The following SART1 variants were observed in gnomAD, a reference collection of about 807,000 sequenced individuals.
SART1 encodes the protein U4/U6.U5 tri-snRNP-associated protein 1.
SART1 carries 28 observed loss-of-function variants against 105.0 expected under a neutral mutation model. That is an observed-to-expected ratio of 0.27 (90% CI 0.20 to 0.37). The LOEUF (loss-of-function observed/expected upper bound fraction) is 0.37, where lower values mean the gene tolerates loss of function less well. Among genes scored for constraint, SART1 ranks in the 10% least tolerant of loss-of-function variants. The pLI is 1.00. For synonymous variants in SART1, 472 were observed against 462.9 expected (o/e 1.02, Z -0.25); for missense variants, 894 against 1,106.5 (o/e 0.81, Z 2.72).
chr11:65,979,172 A>T lies in SART1; in HGVS notation c.*142A>T. 1 of 1,060,590 alleles carries T rather than the reference A, an allele frequency of 9.4e-7. No individual in the cohort carries two copies. Among genetic ancestry groups the T allele is most frequent in the Non-Finnish European group, 1.4e-6 (1 of 714,964 alleles). The allele number at this position is 1,060,590 out of a possible 1,614,324, so 65.7% of individuals were successfully genotyped here. A position where few individuals can be genotyped will look rare whatever the true frequency, so the allele number is the denominator to read the frequency against. On this transcript the variant is annotated 3_prime_UTR_variant, in exon 20 of 20. Coordinates refer to ENST00000312397, the MANE Select transcript of SART1 (RefSeq NM_005146.5). ...CACAGAGTCTGGCTCCTGCTAGGTGAGACCTGGCCATCAAATGACACAAAC... is the reference window on the plus strand; with the variant it reads ...CACAGAGTCTGGCTCCTGCTAGGTGTGACCTGGCCATCAAATGACACAAAC...
intron 12 of SART1, among the ~76,000 whole-genome samples, chr11:65,972,010 A>C (rs905156261): frequency 2.0e-5 from 3 of 151,902 alleles, no homozygotes; most frequent in Non-Finnish European, 4.4e-5. Context: ...TGCAATTTCC[A>C]CCTCCTAAAG....
Position 65,978,679 on chromosome 11 carries a change from A to G in SART1, c.2252A>G (p.Asp751Gly), listed in dbSNP as rs1196042272. 5.1e-5 allele frequency: 82 copies of G among 1,606,966 alleles called. No individual in the cohort carries two copies. The highest frequency in any genetic ancestry group is 6.9e-5 in the Non-Finnish European group (81 of 1,176,996). Residue 751 changes from aspartate to glycine, a missense_variant, in exon 18 of 20, where the codon GAC becomes GGC. This residue lies in a region of SART1 where 182 missense variants were observed against 328.3 expected (regional missense o/e 0.55). Coordinates refer to ENST00000312397, the MANE Select transcript of SART1 (RefSeq NM_005146.5). The surrounding 1 kb of genome is among the most constrained non-coding windows in gnomAD (Gnocchi z 6.8). ...ACAGAGCGGCGGATGAAGAAGCTGGACGAGGAGGCGGTGGGTGCCCTTGGG... is the reference window on the plus strand; with the variant it reads ...ACAGAGCGGCGGATGAAGAAGCTGGGCGAGGAGGCGGTGGGTGCCCTTGGG... Reference protein sequence around the residue: ...MKTERRMKKLDEEALLKKMSS... With the variant: ...MKTERRMKKLGEEALLKKMSS...
At position 65,978,937 on chromosome 11, in the gene SART1, G is replaced by C. The variant is rs111900320; in HGVS notation, c.2384+23G>C. On this transcript the variant is annotated intron_variant, in intron 19 of 19. Transcript: ENST00000312397. The surrounding 1 kb of genome is among the most constrained non-coding windows in gnomAD (Gnocchi z 6.8). The stretch of plus-strand genomic sequence containing the variant: ...CGCGTGAGTGGCTCGAGGCTGGTGG[G>C]GTAGGGTGTGGTGGGGAGGGGTGGC... The C allele has an allele frequency of 3.4e-4, 553 of 1,613,684 alleles. No individual in the cohort carries two copies. The African/African-American group carries it at 6.5e-3, about 19-fold the overall frequency.
chr11:65,979,150 A>G lies in SART1; in HGVS notation c.*120A>G. 7.6e-7 allele frequency: 1 copy of G among 1,318,854 alleles called. No homozygotes were observed. Among genetic ancestry groups the G allele is most frequent in the Non-Finnish European group, 1.1e-6 (1 of 935,700 alleles). The allele number at this position is 1,318,854 out of a possible 1,614,324, so 81.7% of individuals were successfully genotyped here. On this transcript the variant is annotated 3_prime_UTR_variant, in exon 20 of 20. Transcript: ENST00000312397. Reference sequence around the variant, plus strand: ...TTGGATCTTTGGTTGGGTGTGGCACAGAGTCTGGCTCCTGCTAGGTGAGAC... The same window carrying G: ...TTGGATCTTTGGTTGGGTGTGGCACGGAGTCTGGCTCCTGCTAGGTGAGAC...
In SART1 at chr11:65,978,975, C is replaced by T. The variant is rs369946855; in HGVS notation, c.2385-37C>T. 5.8e-5 allele frequency: 93 copies of T among 1,613,764 alleles called. No homozygotes were observed. The highest frequency in any genetic ancestry group is 7.3e-5 in the Non-Finnish European group (86 of 1,179,956). Reference sequence around the variant, plus strand: ...GGGGAGGGGTGGCGTGGCCTGTGCCCGCCTCTGCAGCCTCACGCCCCTGTT... The same window carrying T: ...GGGGAGGGGTGGCGTGGCCTGTGCCTGCCTCTGCAGCCTCACGCCCCTGTT... On this transcript the variant is annotated intron_variant, in intron 19 of 19. Transcript: ENST00000312397. The surrounding 1 kb of genome is among the most constrained non-coding windows in gnomAD (Gnocchi z 6.8).
intron 2 of SART1, 176 bp from the exon 3 acceptor site, chr11:65,964,339 T>C (rs1590632638): frequency 2.3e-6 from 2 of 853,758 alleles, no homozygotes; most frequent in African/African-American, 3.4e-5. Flanking sequence ...ACCAGGCTGG[T>C]GCCCATGTTT....
intron 1 of SART1, 91 bp from the exon 2 acceptor site, chr11:65,963,983 G>C: frequency 9.2e-7 from 1 of 1,081,874 alleles, no homozygotes; most frequent in Non-Finnish European, 1.4e-6. Context: ...GCTGGTGAGG[G>C]GCCCTCATTT....
chr11:65,962,115 A>T (rs895733519), intron 1 of SART1, 22 bp downstream of exon 1: 40 of 23,328 alleles, frequency 1.7e-3, no homozygotes, highest in Non-Finnish European at 2.4e-3. Flanking sequence ...GGGCCTGCGC[A>T]GGGGGCGGGT....
chr11:65,968,268 T>G (rs1002898803), intron 12 of SART1, among the ~76,000 whole-genome samples: 1 of 152,188 alleles, frequency 6.6e-6, no homozygotes, highest in Admixed American at 6.5e-5. Context: ...TTTAAAGTCA[T>G]GTTTTGCAAA....
rs1429886651 is a variant in SART1, at chr11:65,962,094, G to T, written c.313+1G>T. The T allele has an allele frequency of 6.9e-7, 1 of 1,441,196 alleles. No homozygotes were observed. The highest frequency in any genetic ancestry group is 2.5e-5 in the Admixed American group (1 of 39,664). The allele number at this position is 1,441,196 out of a possible 1,614,324, so 89.3% of individuals were successfully genotyped here. ...AAGCGCGATGACGGCTACGAGGCCG[G>T]TGAGGAGGCGGGGCCTGCGCAGGGG... On this transcript the variant is annotated splice_donor_variant, in intron 1 of 19. Transcript: ENST00000312397. LOFTEE classifies it high-confidence loss of function.
rs768494886 is a variant in SART1 at position 65,979,009 on chromosome 11, C to T, written c.2385-3C>T. Reference sequence around the variant, plus strand: ...AGCCTCACGCCCCTGTTCTTCTCTGCAGGAACACCATCACCAAGTGACAGC... The same window carrying T: ...AGCCTCACGCCCCTGTTCTTCTCTGTAGGAACACCATCACCAAGTGACAGC... On this transcript the variant is annotated splice_region_variant and splice_polypyrimidine_tract_variant and intron_variant, in intron 19 of 19. Transcript: ENST00000312397. 7.4e-6 allele frequency: 12 copies of T among 1,614,060 alleles called. No homozygotes were observed. Among genetic ancestry groups the T allele is most frequent in the African/African-American group, 1.3e-5 (1 of 74,926 alleles).
chr11:65,973,727 G>A (rs942154104), intron 12 of SART1, among the ~76,000 whole-genome samples: 5 of 152,210 alleles, frequency 3.3e-5, no homozygotes, highest in Admixed American at 2.6e-4. Context: ...TCCTCAGTGG[G>A]CTAGAGAGCC....
intron 12 of SART1, among the ~76,000 whole-genome samples, chr11:65,969,352 A>C (rs916087968): frequency 5.3e-5 from 8 of 152,208 alleles, no homozygotes; most frequent in Non-Finnish European, 8.8e-5. Flanking sequence ...AAATGGAGCA[A>C]TAGGCTGACA....
At chr11:65,973,363 T>C (rs1481827709) in intron 12 of SART1, among the ~76,000 whole-genome samples, 1 of 151,898 alleles carries the variant, frequency 6.6e-6, no homozygotes, top group Non-Finnish European at 1.5e-5. Flanking sequence ...GCGAAAGATG[T>C]AGATAAGACA....
intron 12 of SART1, among the ~76,000 whole-genome samples, chr11:65,974,564 A>T (rs1156905536): frequency 2.0e-5 from 3 of 151,982 alleles, no homozygotes; most frequent in Non-Finnish European, 4.4e-5. Flanking sequence ...CTGTAGTCCC[A>T]GCTACTTAGG....
In SART1 at chr11:65,978,108, CTT is replaced by C. The variant is rs1013361154; in HGVS notation, c.2172+211_2172+212del. Reference sequence around the variant, plus strand: ...TTGTCTCTAGTGGGCACAGCAGTCTCTTTGCAAGCCTGGCAGGAGGGTCAGAC... The same window carrying C: ...TTGTCTCTAGTGGGCACAGCAGTCTCTGCAAGCCTGGCAGGAGGGTCAGAC... On this transcript the variant is annotated intron_variant, in intron 17 of 19. Transcript: ENST00000312397. The surrounding 1 kb of genome is among the most constrained non-coding windows in gnomAD (Gnocchi z 6.8). 6.0e-5 allele frequency: 36 copies of C among 598,602 alleles called. No individual in the cohort carries two copies. Among genetic ancestry groups the C allele is most frequent in the Non-Finnish European group, 9.1e-5 (31 of 339,562 alleles). The allele number at this position is 598,602 out of a possible 1,614,324, so 37.1% of individuals were successfully genotyped here. A position where few individuals can be genotyped will look rare whatever the true frequency, so the allele number is the denominator to read the frequency against.
At position 65,966,436 on chromosome 11, in the gene SART1, G is replaced by A. The variant is rs779660097; in HGVS notation, c.1068G>A (p.Thr356=). The A allele has an allele frequency of 6.2e-6, 10 of 1,613,516 alleles. No homozygotes were observed. Among genetic ancestry groups the A allele is most frequent in the East Asian group, 2.2e-5 (1 of 44,886 alleles). Residue 356 remains threonine, a synonymous_variant, in exon 9 of 20, where the codon ACG becomes ACA. Transcript: ENST00000312397. ...PHSFRLEQGG[T]ADGLRERELE... is the part of the protein sequence containing the mutation. ...CCTTCCGCTTGGAGCAGGGCGGCACGGCTGATGGCCTGCGGGAGCGGGAGC... is the reference window on the plus strand; with the variant it reads ...CCTTCCGCTTGGAGCAGGGCGGCACAGCTGATGGCCTGCGGGAGCGGGAGC...
rs1197454165 is a variant in SART1 at position 65,967,804 on chromosome 11, C to T, written c.1555C>T (p.Arg519Ter). Residue 519 changes from arginine (R) to a stop codon, truncating the protein, a stop_gained, in exon 12 of 20, where the codon CGA (arginine) becomes TGA (stop). Transcript: ENST00000312397. LOFTEE classifies it high-confidence loss of function. The stretch of plus-strand genomic sequence containing the variant: ...ACAGTTACAGCAGCTACAGCAGCTG[C>T]GAGACAGTGGCGAGAAGGTGAGGCT... ...LRQLQQLQQL[R>*]DSGEKVVEIV... The T allele has an allele frequency of 1.3e-6, 2 of 1,542,104 alleles. No individual in the cohort carries two copies. Among genetic ancestry groups the T allele is most frequent in the Non-Finnish European group, 1.7e-6 (2 of 1,142,966 alleles).
Position 65,978,621 on chromosome 11 carries a change from C to T in SART1, c.2194C>T (p.Arg732Cys). ...CCAGGCTTTCCGGCAGCTGTCGCACCGCTTCCATGGCAAGGGCTCAGGCAA... is the reference window on the plus strand; with the variant it reads ...CCAGGCTTTCCGGCAGCTGTCGCACTGCTTCCATGGCAAGGGCTCAGGCAA... ...PKEAFRQLSH[R>C]FHGKGSGKMK... The change falls in exon 18 of 20, where the codon CGC (arginine) becomes TGC (cysteine). Residue 732 changes from arginine (R) to cysteine (C), a missense_variant. Coordinates refer to ENST00000312397, the MANE Select transcript of SART1 (RefSeq NM_005146.5). This position sits in a 1 kb window ranked among gnomAD's most constrained non-coding sequence, Gnocchi z 6.8. 2 of 1,571,990 alleles carry T rather than the reference C, an allele frequency of 1.3e-6. No individual in the cohort carries two copies. The highest frequency in any genetic ancestry group is 1.7e-6 in the Non-Finnish European group (2 of 1,158,676).
Sources: gnomAD v4.1 joint callset for allele counts (sites outside exome capture counted in the v4.1 genomes callset) on GRCh38, gnomAD v4.1.1 for gene constraint, gnomAD v4.1.1 regional missense constraint, Gnocchi (gnomAD v3.1) non-coding constraint, MANE v1.5 for transcripts, NCBI Gene and HGNC (gene_info 2026-07-23, HGNC 2026-07-21) for gene names.